HDAC1: variants seen among roughly 807,000 people sequenced by gnomAD.
The protein encoded by HDAC1 is protein deacetylase HDAC1.
Under a neutral mutation model 65.5 loss-of-function variants are expected in HDAC1, and 18 were observed. The ratio of observed to expected loss-of-function variants is 0.27; its 90% CI spans 0.19 to 0.41. The LOEUF (loss-of-function observed/expected upper bound fraction) is 0.41. Ranked by LOEUF, HDAC1 falls within the 10% of genes least tolerant of loss-of-function variation. The probability of loss-of-function intolerance (pLI) is 1.00; values close to 1 mark genes in which losing one functional copy is unlikely to be tolerated. For missense variants in HDAC1, 373 were observed against 625.2 expected, an observed-to-expected ratio of 0.60 and a Z score of 4.30; for synonymous variants, 211 against 227.9, an observed-to-expected ratio of 0.93 and a Z score of 0.67.
chr1:32,316,200 C>T lies in HDAC1; in HGVS notation c.163-465C>T, dbSNP rs150325216. 7.0e-3 allele frequency among the ~76,000 whole-genome samples: 1,058 copies of T among 151,382 alleles called. 16 individuals carry two copies. The highest frequency in any genetic ancestry group is 0.024 in the African/African-American group (977 of 40,806). On this transcript the variant is annotated intron_variant, in intron 2 of 13. Transcript: ENST00000373548. Reference sequence around the variant, plus strand: ...TTGGAAGGCTGAGGCAGGAGAATGGCGTGAAGCCGGGAGGCGGAGCTTGCA... The same window carrying T: ...TTGGAAGGCTGAGGCAGGAGAATGGTGTGAAGCCGGGAGGCGGAGCTTGCA...
chr1:32,312,347 T>G (rs1641001734), intron 2 of HDAC1, among the ~76,000 whole-genome samples: 1 of 152,010 alleles, frequency 6.6e-6, no homozygotes, highest in Non-Finnish European at 1.5e-5. Context: ...AGGATAATAA[T>G]AGTATGAATT....
intron 3 of HDAC1, among the ~76,000 whole-genome samples, chr1:32,323,787 A>C (rs1209751026): frequency 6.6e-6 from 1 of 152,164 alleles, no homozygotes; most frequent in Non-Finnish European, 1.5e-5. Context: ...CATGTAGCGC[A>C]GTGTCTGGCG....
rs1641087856 is a variant in HDAC1, at chr1:32,318,026, C to G, written c.280+1244C>G. Among the ~76,000 whole-genome samples the G allele has an allele frequency of 2.0e-5, 3 of 152,306 alleles. No homozygotes were observed. The South Asian group carries it at 6.2e-4, about 32-fold the overall frequency. On this transcript the variant is annotated intron_variant, in intron 3 of 13. Transcript: ENST00000373548. ...CCAGGCTGGAGTGCAATGGGGCGAT[C>G]TCTACTCACCACAACCTCCGTCTCC... is the stretch of plus-strand genomic sequence containing the variant.
rs372906696 is a variant in HDAC1, at chr1:32,307,160, A to C, written c.162+4427A>C. Among the ~76,000 whole-genome samples the C allele has an allele frequency of 4.6e-5, 7 of 152,288 alleles. No homozygotes were observed. The East Asian group carries it at 1.3e-3, about 29-fold the overall frequency. On this transcript the variant is annotated intron_variant, in intron 2 of 13. Coordinates refer to ENST00000373548, the MANE Select transcript of HDAC1 (RefSeq NM_004964.3). ...CTCAGGAGGCTGAGACAGGAGAATCATTTGAACCTGGGAGGCAGAGGTTGC... is the reference window on the plus strand; with the variant it reads ...CTCAGGAGGCTGAGACAGGAGAATCCTTTGAACCTGGGAGGCAGAGGTTGC...
Position 32,327,314 on chromosome 1 carries a change from G to C in HDAC1, c.495-222G>C. ...CCTCCAGAGTGTCCCTGTGTGGCTG[G>C]AGTTGACCCTGGCTGTAGAGTAGGA... On this transcript the variant is annotated intron_variant, in intron 5 of 13. Coordinates refer to ENST00000373548, the MANE Select transcript of HDAC1 (RefSeq NM_004964.3). The surrounding 1 kb of genome is among the most constrained non-coding windows in gnomAD (Gnocchi z 6.0). The C allele has an allele frequency of 1.6e-6, 1 of 617,266 alleles. No homozygotes were observed. Among genetic ancestry groups the C allele is most frequent in the East Asian group, 2.7e-5 (1 of 36,504 alleles). The allele number at this position is 617,266 out of a possible 1,614,324, so 38.2% of individuals were successfully genotyped here.
chr1:32,296,424 G>A (rs1000170130), intron 1 of HDAC1, among the ~76,000 whole-genome samples: 3 of 152,170 alleles, frequency 2.0e-5, no homozygotes, highest in African/African-American at 7.2e-5. Flanking sequence ...GAGTGCAGTG[G>A]CATGATCCTG....
At chr1:32,311,855 C>T (rs1640996301) in intron 2 of HDAC1, among the ~76,000 whole-genome samples, 1 of 152,020 alleles carries the variant, frequency 6.6e-6, no homozygotes, top group African/African-American at 2.4e-5. Flanking sequence ...ATCTGGAGCT[C>T]AGAACTAAGA....
At chr1:32,315,989 A>C (rs1641056894) in intron 2 of HDAC1, among the ~76,000 whole-genome samples, 1 of 150,038 alleles carries the variant, frequency 6.7e-6, no homozygotes, top group Non-Finnish European at 1.5e-5. Context: ...AACAAAAAAA[A>C]ACGAAAAAAA....
At chr1:32,298,481 G>T (rs1374895656) in intron 1 of HDAC1, among the ~76,000 whole-genome samples, 1 of 152,130 alleles carries the variant, frequency 6.6e-6, no homozygotes, top group Admixed American at 6.5e-5. Context: ...GGCCCAAAGT[G>T]CTGGGATTAC....
intron 1 of HDAC1, among the ~76,000 whole-genome samples, chr1:32,296,653 A>G (rs1014399683): frequency 6.6e-6 from 1 of 152,222 alleles, no homozygotes; most frequent in African/African-American, 2.4e-5. Context: ...TGCTGGGTTT[A>G]CAGGCGTGAG....
intron 1 of HDAC1, among the ~76,000 whole-genome samples, chr1:32,294,509 C>CT (rs533642905): frequency 0.019 from 2,400 of 125,526 alleles, 115 homozygotes; most frequent in African/African-American, 0.06. Context: ...CAGTTGATAA[C>CT]TTTTTTTTTT....
chr1:32,326,157 A>ATTTTTC (rs1221819652), intron 4 of HDAC1, among the ~76,000 whole-genome samples: 1 of 151,018 alleles, frequency 6.6e-6, no homozygotes, highest in Non-Finnish European at 1.5e-5. Context: ...ATCTTTGGTA[A>ATTTTTC]TTTTTCTTTT....
chr1:32,324,578 AG>A (rs35345816), intron 4 of HDAC1, 25 bp downstream of exon 4: 9 of 1,510,812 alleles, frequency 6.0e-6, no homozygotes, highest in Non-Finnish European at 8.3e-6. Context: ...TCTTCTCCCC[AG>A]GGGTAGACTG....
intron 2 of HDAC1, among the ~76,000 whole-genome samples, chr1:32,313,530 G>A (rs1335649889): frequency 5.3e-5 from 8 of 152,188 alleles, no homozygotes; most frequent in African/African-American, 1.4e-4. Flanking sequence ...ATGAGATAGC[G>A]TTTAAAGTGC....
Position 32,330,829 on chromosome 1 carries a change from C to T in HDAC1, c.900C>T (p.Gly300=), listed in dbSNP as rs763960381. The T allele has an allele frequency of 6.8e-6, 11 of 1,613,882 alleles. No homozygotes were observed. The highest frequency in any genetic ancestry group is 1.6e-4 in the Middle Eastern group (1 of 6,084). The change falls in exon 9 of 14, where the codon GGC becomes GGT. Residue 300 remains glycine, a synonymous_variant. Transcript: ENST00000373548. This position sits in a 1 kb window ranked among gnomAD's most constrained non-coding sequence, Gnocchi z 4.2. ...ACCTGCCTATGCTGATGCTGGGAGG[C>T]GGTGGTTACACCATTCGTAACGTTG... The part of the protein sequence containing the change: ...SFNLPMLMLG[G]GGYTIRNVAR...
At chr1:32,301,842 G>A (rs984702682) in intron 1 of HDAC1, among the ~76,000 whole-genome samples, 4 of 152,210 alleles carry the variant, frequency 2.6e-5, no homozygotes, top group African/African-American at 9.6e-5. Flanking sequence ...GCCTGGTCTT[G>A]AACTCCTGGG....
In HDAC1 at chr1:32,329,236, C is replaced by A; in HGVS notation, c.729+76C>A. The A allele has an allele frequency of 1.2e-6, 1 of 854,960 alleles. No individual in the cohort carries two copies. Among genetic ancestry groups the A allele is most frequent in the Non-Finnish European group, 2.0e-6 (1 of 488,380 alleles). 53.0% of individuals were successfully genotyped at this position (854,960 alleles called of 1,614,324 possible). A position where few individuals can be genotyped will look rare whatever the true frequency, so the allele number is the denominator to read the frequency against. On this transcript the variant is annotated intron_variant, in intron 7 of 13. Transcript: ENST00000373548. The surrounding 1 kb of genome is among the most constrained non-coding windows in gnomAD (Gnocchi z 4.1). ...GTGGAGGGGAGCAAAGCACCCCCAC[C>A]ATACCTCAGGAATCTCTCCTTACTA...
At chr1:32,323,341 C>T (rs1641174571) in intron 3 of HDAC1, among the ~76,000 whole-genome samples, 1 of 152,034 alleles carries the variant, frequency 6.6e-6, no homozygotes, top group South Asian at 2.1e-4. Flanking sequence ...GGCTTGCATA[C>T]TGCTTCTGCC....
chr1:32,301,117 TAA>T (rs1187398769), intron 1 of HDAC1, among the ~76,000 whole-genome samples: 2 of 147,420 alleles, frequency 1.4e-5, no homozygotes, highest in East Asian at 3.9e-4. Context: ...AAAGGCAGGT[TAA>T]GAAAGTCCTT....
Sources: allele counts gnomAD v4.1 joint callset (sites outside exome capture counted in the v4.1 genomes callset), GRCh38; gene constraint gnomAD v4.1.1; non-coding constraint Gnocchi (gnomAD v3.1); transcripts MANE v1.5; gene names NCBI Gene and HGNC (gene_info 2026-07-23, HGNC 2026-07-21).